The following ZNF83 variants were observed in gnomAD, a reference collection of about 807,000 sequenced individuals.
ZNF83 encodes the protein zinc finger protein 816B.
For missense variants in ZNF83, 552 were observed against 629.9 expected (o/e 0.88, Z 1.32); for synonymous variants, 209 against 213.0 (o/e 0.98, Z 0.17).
rs112810553 is a variant in ZNF83 at position 52,688,564 on chromosome 19, C to T, written c.-283+1879G>A. On this transcript the variant is annotated intron_variant, in intron 1 of 5. Transcript: ENST00000594682. ...CTCTAGCTCTTGTTTTATTTTCCCC[C>T]GGGGTTCTGCTCCTCATTTTGTACC... Among the ~76,000 whole-genome samples, 1,064 of 151,784 alleles carry T rather than the reference C, an allele frequency of 7.0e-3. 13 individuals carry two copies. Among genetic ancestry groups the T allele is most frequent in the African/African-American group, 0.024 (987 of 41,374 alleles).
At chr19:52,613,813 TG>T (rs766269081) in exon 3 of ZNF83, 28 of 1,614,056 alleles carry the variant, frequency 1.7e-5, no homozygotes, top group Non-Finnish European at 2.1e-5. Context: ...AATGATCAGA[TG>T]TTGTACAAGG....
intron 2 of ZNF83, among the ~76,000 whole-genome samples, chr19:52,621,370 G>A (rs941255463): frequency 6.6e-6 from 1 of 151,886 alleles, no homozygotes; most frequent in Non-Finnish European, 1.5e-5. Flanking sequence ...TCCTTTTCTG[G>A]TAGAGACAGA....
chr19:52,654,508 A>C, intron 3 of ZNF83: 1 of 482,878 alleles, frequency 2.1e-6, no homozygotes. Flanking sequence ...CTTATTTTAA[A>C]ATTCCCAAAT....
At chr19:52,659,613 C>CAAAAAAAAAAA (rs67918270) in intron 2 of ZNF83, among the ~76,000 whole-genome samples, 12 of 114,256 alleles carry the variant, frequency 1.1e-4, no homozygotes, top group South Asian at 3.0e-4. Flanking sequence ...GACTCCAACT[C>CAAAAAAAAAAA]AAAAAAAAAA....
chr19:52,685,004 A>G (rs1054606108), intron 1 of ZNF83, among the ~76,000 whole-genome samples: 1 of 152,206 alleles, frequency 6.6e-6, no homozygotes, highest in Admixed American at 6.5e-5. Flanking sequence ...GTCCTCATAC[A>G]GAGAAAGGCC....
chr19:52,669,001 C>G (rs1175711438), intron 1 of ZNF83, among the ~76,000 whole-genome samples: 1 of 152,158 alleles, frequency 6.6e-6, no homozygotes, highest in Non-Finnish European at 1.5e-5. Flanking sequence ...AGGGAGGAAA[C>G]TTAACATTCC....
intron 1 of ZNF83, among the ~76,000 whole-genome samples, chr19:52,688,219 G>T (rs1242848674): frequency 1.3e-5 from 2 of 152,064 alleles, no homozygotes; most frequent in Non-Finnish European, 2.9e-5. Flanking sequence ...TGACCAGGCT[G>T]CAGTGCAGTG....
intron 1 of ZNF83, among the ~76,000 whole-genome samples, chr19:52,690,182 GAAAA>G (rs35717855): frequency 7.6e-6 from 1 of 132,188 alleles, no homozygotes; most frequent in African/African-American, 2.8e-5. Flanking sequence ...ATGATTTTGA[GAAAA>G]AAAAAAAAAA....
At chr19:52,625,170 A>G (rs2060692793) in intron 2 of ZNF83, among the ~76,000 whole-genome samples, 1 of 151,826 alleles carries the variant, frequency 6.6e-6, no homozygotes, top group African/African-American at 2.4e-5. Flanking sequence ...TGAGGCTACC[A>G]CTCTGCCCCA....
intron 1 of ZNF83, among the ~76,000 whole-genome samples, chr19:52,672,727 G>A (rs1362321278): frequency 6.6e-6 from 1 of 152,158 alleles, no homozygotes; most frequent in African/African-American, 2.4e-5. Context: ...AGCCTCCCAG[G>A]TAGCTGGGAT....
intron 1 of ZNF83, among the ~76,000 whole-genome samples, chr19:52,680,854 C>T (rs1407019147): frequency 1.3e-5 from 2 of 150,924 alleles, no homozygotes; most frequent in African/African-American, 2.4e-5. Flanking sequence ...CCTCGTGATC[C>T]GCCCGCCTCG....
upstream of ZNF83, among the ~76,000 whole-genome samples, chr19:52,642,487 C>G (rs146367297): frequency 6.6e-6 from 1 of 151,724 alleles, no homozygotes; most frequent in Non-Finnish European, 1.5e-5. Flanking sequence ...AGGCTGGTCT[C>G]GAACTCCCGA....
intron 2 of ZNF83, among the ~76,000 whole-genome samples, chr19:52,660,368 T>G (rs568934373): frequency 6.6e-6 from 1 of 152,110 alleles, no homozygotes; most frequent in East Asian, 1.9e-4. Flanking sequence ...TGTGTTATTC[T>G]TAGCAACAGT....
intron 1 of ZNF83, among the ~76,000 whole-genome samples, chr19:52,687,942 T>C (rs993165016): frequency 6.6e-6 from 1 of 151,870 alleles, no homozygotes; most frequent in African/African-American, 2.4e-5. Flanking sequence ...AACTTCCAAC[T>C]CAATAAGTCA....
intron 2 of ZNF83, among the ~76,000 whole-genome samples, chr19:52,627,478 G>C (rs911055950): frequency 3.9e-5 from 6 of 152,026 alleles, no homozygotes; most frequent in African/African-American, 1.4e-4. Flanking sequence ...CCTGGCCAAT[G>C]TGGTGAAACC....
chr19:52,673,519 C>CAA (rs966245351), intron 1 of ZNF83, among the ~76,000 whole-genome samples: 1 of 151,724 alleles, frequency 6.6e-6, no homozygotes, highest in African/African-American at 2.4e-5. Context: ...CACACACACA[C>CAA]AAAATGCTAT....
chr19:52,657,854 A>G (rs2061526627), intron 2 of ZNF83, among the ~76,000 whole-genome samples: 2 of 151,350 alleles, frequency 1.3e-5, no homozygotes, highest in Admixed American at 1.3e-4. Flanking sequence ...TCTAAAAAAA[A>G]AAACAGGCAT....
chr19:52,632,937 A>T (rs555717429), intron 2 of ZNF83, among the ~76,000 whole-genome samples: 35 of 152,282 alleles, frequency 2.3e-4, no homozygotes, highest in African/African-American at 5.1e-4. Context: ...GAAGCAGCCC[A>T]GAGAAACATC....
intron 1 of ZNF83, among the ~76,000 whole-genome samples, chr19:52,637,588 C>T (rs1020012430): frequency 6.6e-6 from 1 of 152,038 alleles, no homozygotes; most frequent in Admixed American, 6.5e-5. Context: ...TCTACTTTGC[C>T]CTCTGTTATG....
Sources: allele counts gnomAD v4.1 joint callset (sites outside exome capture counted in the v4.1 genomes callset), GRCh38; gene constraint gnomAD v4.1.1; transcripts MANE v1.5; gene names NCBI Gene and HGNC (gene_info 2026-07-23, HGNC 2026-07-21).